The following KCNJ6 variants were observed in gnomAD, a reference collection of about 807,000 sequenced individuals.
KCNJ6 encodes the protein G protein-activated inward rectifier potassium channel 2.
A neutral mutation model predicts 34.2 loss-of-function variants in KCNJ6; 9 were observed. That is an observed-to-expected ratio of 0.26 (90% confidence interval 0.16 to 0.46). The LOEUF is 0.46. Ranked by LOEUF, KCNJ6 falls within the 20% of genes least tolerant of loss-of-function variation. The probability of loss-of-function intolerance (pLI) is 1.00; values close to 1 mark genes in which losing one functional copy is unlikely to be tolerated. For synonymous variants in KCNJ6, 196 were observed against 207.1 expected (o/e 0.95, Z 0.46); for missense variants, 236 against 531.3 (o/e 0.44, Z 5.46).
chr21:37,813,006 T>C (rs1316503216), intron 2 of KCNJ6, among the ~76,000 whole-genome samples: 2 of 152,096 alleles, frequency 1.3e-5, no homozygotes, highest in African/African-American at 2.4e-5. Flanking sequence ...GGTATTACAT[T>C]GGGAAAAATC....
chr21:37,880,086 C>T (rs977699530), intron 1 of KCNJ6, among the ~76,000 whole-genome samples: 4 of 122,586 alleles, frequency 3.3e-5, no homozygotes, highest in Non-Finnish European at 5.0e-5. Context: ...TGGTGAAACC[C>T]GGCTCTAAAA....
intron 2 of KCNJ6, among the ~76,000 whole-genome samples, chr21:37,840,127 T>C (rs1179019341): frequency 6.6e-6 from 1 of 152,212 alleles, no homozygotes; most frequent in Non-Finnish European, 1.5e-5. Context: ...GCTTTGTGTA[T>C]CCTGTTTATT....
chr21:37,788,282 C>A (rs573799701), intron 2 of KCNJ6, among the ~76,000 whole-genome samples: 1 of 152,298 alleles, frequency 6.6e-6, no homozygotes, highest in East Asian at 1.9e-4. Flanking sequence ...ATTCCAGTAG[C>A]TAGCCATGGA....
At chr21:37,626,626 C>T (rs2054312313) in intron 3 of KCNJ6, among the ~76,000 whole-genome samples, 2 of 152,046 alleles carry the variant, frequency 1.3e-5, no homozygotes, top group Admixed American at 6.6e-5. Flanking sequence ...AGAAATGACA[C>T]GTGTGGTTTT....
chr21:37,893,577 G>A (rs1479475341), intron 1 of KCNJ6, among the ~76,000 whole-genome samples: 1 of 151,608 alleles, frequency 6.6e-6, no homozygotes, highest in South Asian at 2.1e-4. Context: ...CTCGGCTCCA[G>A]CACTGTGTGT....
At chr21:37,828,448 C>A (rs1038484365) in intron 2 of KCNJ6, among the ~76,000 whole-genome samples, 6 of 152,272 alleles carry the variant, frequency 3.9e-5, no homozygotes, top group East Asian at 1.9e-4. Flanking sequence ...TGTGGGCTGT[C>A]CCAGCTCACA....
chr21:37,694,239 T>C (rs964049639), intron 3 of KCNJ6, among the ~76,000 whole-genome samples: 1 of 152,204 alleles, frequency 6.6e-6, no homozygotes, highest in Non-Finnish European at 1.5e-5. Flanking sequence ...GACCCATGGA[T>C]GGCCGGCTGT....
intron 1 of KCNJ6, among the ~76,000 whole-genome samples, chr21:37,899,552 G>A (rs1441256946): frequency 2.6e-5 from 4 of 152,146 alleles, no homozygotes; most frequent in African/African-American, 9.7e-5. Context: ...AAAATCTCTT[G>A]TAAAGAACAC....
intron 2 of KCNJ6, among the ~76,000 whole-genome samples, chr21:37,806,767 T>C (rs1382545118): frequency 6.6e-6 from 1 of 152,252 alleles, no homozygotes; most frequent in Non-Finnish European, 1.5e-5. Context: ...GTGTGCAGTG[T>C]ATTTTTGCTC....
chr21:37,859,484 ACTT>A (rs2055581843), intron 1 of KCNJ6, among the ~76,000 whole-genome samples: 1 of 20,980 alleles, frequency 4.8e-5, no homozygotes, highest in Non-Finnish European at 8.3e-5. Flanking sequence ...GGCTTATATT[ACTT>A]TATATATATA....
At chr21:37,875,105 C>T (rs1384174801) in intron 1 of KCNJ6, among the ~76,000 whole-genome samples, 1 of 152,180 alleles carries the variant, frequency 6.6e-6, no homozygotes, top group Non-Finnish European at 1.5e-5. Flanking sequence ...GACACATGCT[C>T]CTCCCCTGCC....
chr21:37,667,642 C>T (rs147458704), intron 3 of KCNJ6, among the ~76,000 whole-genome samples: 1 of 77,768 alleles, frequency 1.3e-5, no homozygotes, highest in Non-Finnish European at 3.5e-5. Context: ...GTAGCAGGTC[C>T]AGGGTAGCAG....
intron 2 of KCNJ6, among the ~76,000 whole-genome samples, chr21:37,738,111 C>T (rs1014303524): frequency 1.3e-5 from 2 of 152,144 alleles, no homozygotes; most frequent in East Asian, 3.9e-4. Context: ...TTTTGAGTCT[C>T]GGCTCACACA....
chr21:37,879,560 T>C (rs770788827), intron 1 of KCNJ6, among the ~76,000 whole-genome samples: 101 of 152,238 alleles, frequency 6.6e-4, no homozygotes, highest in Non-Finnish European at 1.3e-3. Flanking sequence ...TCCGAGATCA[T>C]GTCCAGGTAC....
intron 3 of KCNJ6, among the ~76,000 whole-genome samples, chr21:37,632,128 G>A (rs2054336560): frequency 6.6e-6 from 1 of 151,970 alleles, no homozygotes. Context: ...CCGGGGGGAG[G>A]GGTGGATCTC....
intron 2 of KCNJ6, among the ~76,000 whole-genome samples, chr21:37,787,299 G>A (rs2055197249): frequency 6.6e-6 from 1 of 152,150 alleles, no homozygotes; most frequent in East Asian, 1.9e-4. Flanking sequence ...GGAACTGGGG[G>A]TAGAGGGGGC....
At chr21:37,687,301 CT>C (rs989165322) in intron 3 of KCNJ6, among the ~76,000 whole-genome samples, 2 of 152,168 alleles carry the variant, frequency 1.3e-5, no homozygotes, top group Admixed American at 1.3e-4. Context: ...AGACTCACCA[CT>C]TTTCAGTTGT....
intron 3 of KCNJ6, among the ~76,000 whole-genome samples, chr21:37,678,778 G>A (rs2054578208): frequency 6.6e-6 from 1 of 152,224 alleles, no homozygotes; most frequent in South Asian, 2.1e-4. Flanking sequence ...AACTCAGGGA[G>A]CACCTACTGT....
rs1394848542 is a variant in KCNJ6 at position 37,714,853 on chromosome 21, CTG to C, written c.302_303del (p.Thr101SerfsTer62). 2 of 1,614,146 alleles carry C rather than the reference CTG, an allele frequency of 1.2e-6. No individual in the cohort carries two copies. The highest frequency in any genetic ancestry group is 8.5e-7 in the Non-Finnish European group (1 of 1,180,060). On this transcript the variant is annotated frameshift_variant, in exon 3 of 4. Coordinates refer to ENST00000609713, the MANE Select transcript of KCNJ6 (RefSeq NM_002240.5). LOFTEE classifies it high-confidence loss of function. The surrounding 1 kb of genome is among the most constrained non-coding windows in gnomAD (Gnocchi z 5.9). ...ATCATTCCAAAAAAGAGCCAGGTCA[CTG>C]TGTAAACCATGACAAAAATCAATAG... The part of the protein sequence containing the change: ...FNLLIFVMVY[T>X]VTWLFFGMIW...
Sources: allele counts gnomAD v4.1 joint callset (sites outside exome capture counted in the v4.1 genomes callset), GRCh38; gene constraint gnomAD v4.1.1; non-coding constraint Gnocchi (gnomAD v3.1); transcripts MANE v1.5; gene names NCBI Gene and HGNC (gene_info 2026-07-23, HGNC 2026-07-21).